The following BIRC6 variants were observed in gnomAD, a reference collection of about 807,000 sequenced individuals.
BIRC6 encodes baculoviral IAP repeat containing 6, also known as dual E2 ubiquitin-conjugating enzyme/E3 ubiquitin-protein ligase BIRC6.
BIRC6 carries 98 observed loss-of-function variants against 503.3 expected under a neutral mutation model. The observed-to-expected ratio is 0.19, with a 90% confidence interval of 0.17 to 0.23. BIRC6 has a LOEUF of 0.23. Ranked by LOEUF, BIRC6 falls within the 10% of genes least tolerant of loss-of-function variation. The pLI, the probability that BIRC6 is intolerant of heterozygous loss-of-function variation, is 1.00. For missense variants in BIRC6, 5,360 were observed against 5,806.0 expected (o/e 0.92, Z 2.50); for synonymous variants, 2,240 against 2,078.7 (o/e 1.08, Z -2.11).
intron 10 of BIRC6, among the ~76,000 whole-genome samples, chr2:32,421,097 T>C (rs1295121816): frequency 6.7e-6 from 1 of 150,372 alleles, no homozygotes; most frequent in Non-Finnish European, 1.5e-5. Flanking sequence ...AGTTTCTTTC[T>C]TTCTTTCTTT....
At chr2:32,413,715 GAAAA>G (rs919447207) in intron 9 of BIRC6, among the ~76,000 whole-genome samples, 4 of 146,546 alleles carry the variant, frequency 2.7e-5, no homozygotes, top group East Asian at 2.0e-4. Flanking sequence ...AAAAAAAAAA[GAAAA>G]AAAACAGCCT....
chr2:32,406,601 A>C lies in BIRC6; in HGVS notation c.1477+44A>C. 3 of 1,371,292 alleles carry C rather than the reference A, an allele frequency of 2.2e-6. No individual in the cohort carries two copies. The South Asian group carries it at 3.7e-5, about 17-fold the overall frequency. 84.9% of individuals were successfully genotyped at this position (1,371,292 alleles called of 1,614,324 possible). ...ATAATGTATTTAAAAAATTCTTTAC[A>C]CAGTTGTGCATACAGCTAACTACCA... On this transcript the variant is annotated intron_variant, in intron 9 of 73. Transcript: ENST00000421745.
rs963483751 is a variant in BIRC6 at position 32,504,926 on chromosome 2, ATTGTAT to A, written c.9500-72_9500-67del. 3.0e-5 allele frequency: 38 copies of A among 1,262,754 alleles called. No homozygotes were observed. The African/African-American group carries it at 5.4e-4, about 18-fold the overall frequency. 78.2% of individuals were successfully genotyped at this position (1,262,754 alleles called of 1,614,324 possible). On this transcript the variant is annotated intron_variant, in intron 49 of 73. Transcript: ENST00000421745. Reference sequence around the variant, plus strand: ...GTTTTCAATTAATTTTTCTAGTTTAATTGTATTTGTATAGATTTTAAAGCTTTATTA... The same window carrying A: ...GTTTTCAATTAATTTTTCTAGTTTAATTGTATAGATTTTAAAGCTTTATTA...
intron 65 of BIRC6, among the ~76,000 whole-genome samples, chr2:32,561,629 A>T: frequency 6.6e-6 from 1 of 151,058 alleles, no homozygotes; most frequent in Non-Finnish European, 1.5e-5. Flanking sequence ...TTTAGTTGTA[A>T]ATTATATTCA....
rs535182747 is a variant in BIRC6 at position 32,581,852 on chromosome 2, A to G, written c.13355+6486A>G. 3.3e-5 allele frequency among the ~76,000 whole-genome samples: 5 copies of G among 152,216 alleles called. No individual in the cohort carries two copies. In the East Asian group the frequency reaches 9.6e-4, roughly 29 times the overall value. ...CAACAATGGAAAAGAAAAGTGATCT[A>G]TATTTTATTTTATGTATTTATTTAT... On this transcript the variant is annotated intron_variant, in intron 66 of 73. Coordinates refer to ENST00000421745, the MANE Select transcript of BIRC6 (RefSeq NM_016252.4).
Position 32,445,859 on chromosome 2 carries a change from C to CTT in BIRC6, c.4484+202_4484+203dup, listed in dbSNP as rs113063453. Reference sequence around the variant, plus strand: ...TTCTTCTGTTTTGTCAGAAATTACTCTTTTTTTTTTTTATCGAGATGGAGT... The same window carrying CTT: ...TTCTTCTGTTTTGTCAGAAATTACTCTTTTTTTTTTTTTTATCGAGATGGAGT... On this transcript the variant is annotated intron_variant, in intron 21 of 73. Coordinates refer to ENST00000421745, the MANE Select transcript of BIRC6 (RefSeq NM_016252.4). Among the ~76,000 whole-genome samples, 10 of 145,690 alleles carry CTT rather than the reference C, an allele frequency of 6.9e-5. 1 individual carries two copies. The South Asian group carries it at 8.7e-4, about 13-fold the overall frequency.
intron 55 of BIRC6, 145 bp from the exon 56 acceptor site, chr2:32,518,109 G>T: frequency 3.2e-6 from 2 of 633,164 alleles, no homozygotes; most frequent in Non-Finnish European, 5.0e-6. Flanking sequence ...TTAACTACTA[G>T]ACCCCCAGAG....
chr2:32,448,762 G>A (rs1205627172), intron 21 of BIRC6, 33 bp from the exon 22 acceptor site: 1 of 1,582,456 alleles, frequency 6.3e-7, no homozygotes, highest in South Asian at 1.2e-5. Flanking sequence ...ATGGCTGAAA[G>A]GAAAATTGTT....
In BIRC6 at chr2:32,508,179, G is replaced by C; in HGVS notation, c.9900G>C (p.Gly3300=). 1 of 1,613,020 alleles carries C rather than the reference G, an allele frequency of 6.2e-7. No individual in the cohort carries two copies. Among genetic ancestry groups the C allele is most frequent in the Non-Finnish European group, 8.5e-7 (1 of 1,179,722 alleles). ...GCCTTTCACAAATTAAATTATTGGG[G>C]CTCACTGCTTTTGGTACCACCTCTT... ...TLGLSQIKLL[G]LTAFGTTSSA... is the part of the protein sequence containing the mutation. Residue 3300 remains glycine (G), a synonymous_variant, in exon 51 of 74, where the codon GGG becomes GGC. Coordinates refer to ENST00000421745, the MANE Select transcript of BIRC6 (RefSeq NM_016252.4).
intron 70 of BIRC6, among the ~76,000 whole-genome samples, chr2:32,600,806 A>G (rs2062005704): frequency 6.6e-6 from 1 of 152,170 alleles, no homozygotes; most frequent in South Asian, 2.1e-4. Context: ...AAGTTTACAC[A>G]CTGTTAGCAT....
At chr2:32,503,639 C>A (rs1251034273) in intron 49 of BIRC6, among the ~76,000 whole-genome samples, 1 of 151,904 alleles carries the variant, frequency 6.6e-6, no homozygotes, top group Non-Finnish European at 1.5e-5. Flanking sequence ...CCAGGCTGGT[C>A]TTGAATGCCT....
At position 32,479,736 on chromosome 2, in the gene BIRC6, A is replaced by G. The variant is rs903674768; in HGVS notation, c.7408+119A>G. On this transcript the variant is annotated intron_variant, in intron 37 of 73. Coordinates refer to ENST00000421745, the MANE Select transcript of BIRC6 (RefSeq NM_016252.4). ...ATTTTTCTATTAGTTCTTTGGCCTT[A>G]TAAACTAGATCCATTATTTTCCTGG... 5.7e-5 allele frequency: 48 copies of G among 840,946 alleles called. No individual in the cohort carries two copies. In the African/African-American group the frequency reaches 6.3e-4, roughly 11 times the overall value. 52.1% of individuals were successfully genotyped at this position (840,946 alleles called of 1,614,324 possible).
intron 63 of BIRC6, among the ~76,000 whole-genome samples, chr2:32,546,262 A>G (rs931228356): frequency 2.0e-5 from 3 of 152,190 alleles, no homozygotes; most frequent in South Asian, 2.1e-4. Flanking sequence ...CATTATTTCA[A>G]TATGATTTAA....
At chr2:32,573,903 A>T (rs1259154085) in intron 65 of BIRC6, among the ~76,000 whole-genome samples, 2 of 152,140 alleles carry the variant, frequency 1.3e-5, no homozygotes, top group African/African-American at 4.8e-5. Flanking sequence ...GCCATAATAT[A>T]TTATCTGGTG....
chr2:32,361,918 G>A (rs1445189202), intron 1 of BIRC6, among the ~76,000 whole-genome samples: 1 of 152,172 alleles, frequency 6.6e-6, no homozygotes, highest in East Asian at 1.9e-4. Context: ...ATGTAGCACA[G>A]TTTATCCATT....
intron 66 of BIRC6, among the ~76,000 whole-genome samples, chr2:32,577,242 T>C (rs1410286567): frequency 6.6e-6 from 1 of 152,166 alleles, no homozygotes; most frequent in Non-Finnish European, 1.5e-5. Flanking sequence ...GTATAATATA[T>C]ACTGAGCTTT....
intron 15 of BIRC6, among the ~76,000 whole-genome samples, chr2:32,436,889 T>A (rs1190217907): frequency 4.3e-5 from 1 of 23,360 alleles, no homozygotes; most frequent in East Asian, 4.2e-4. Flanking sequence ...GTTTTTTCTT[T>A]TTTTTTTTTT....
At chr2:32,611,105 T>C (rs1464967600) in intron 72 of BIRC6, among the ~76,000 whole-genome samples, 1 of 144,186 alleles carries the variant, frequency 6.9e-6, no homozygotes, top group East Asian at 2.1e-4. Context: ...TTGATTAAAT[T>C]GCCTTTTTTT....
chr2:32,401,746 T>A, intron 8 of BIRC6, 123 bp downstream of exon 8: 1 of 806,334 alleles, frequency 1.2e-6, no homozygotes, highest in Non-Finnish European at 1.8e-6. Context: ...GATCAGAGAG[T>A]AAATGTTTGG....
Sources: gnomAD v4.1 joint callset for allele counts (sites outside exome capture counted in the v4.1 genomes callset) on GRCh38, gnomAD v4.1.1 for gene constraint, MANE v1.5 for transcripts, NCBI Gene and HGNC (gene_info 2026-07-23, HGNC 2026-07-21) for gene names.